The following GTF2E1 variants were observed in gnomAD, a reference collection of about 807,000 sequenced individuals.
GTF2E1 encodes TFIIE alpha subunit.
GTF2E1 carries 14 observed loss-of-function variants against 34.9 expected under a neutral mutation model. The observed-to-expected ratio is 0.40, with a 90% CI of 0.27 to 0.63. The LOEUF (loss-of-function observed/expected upper bound fraction) is 0.63, where lower values mean the gene tolerates loss of function less well. GTF2E1 is among the 20% of genes least tolerant of loss of function. The pLI is 0.39. For synonymous variants in GTF2E1, 188 were observed against 192.9 expected (o/e 0.97, Z 0.21); for missense variants, 469 against 557.7 (o/e 0.84, Z 1.60).
At chr3:120,754,774 GA>G in intron 2 of GTF2E1, among the ~76,000 whole-genome samples, 1 of 151,968 alleles carries the variant, frequency 6.6e-6, no homozygotes, top group African/African-American at 2.4e-5. Flanking sequence ...TAAATTTTGA[GA>G]TGAGATAATT....
chr3:120,757,413 CT>C (rs1406749927), intron 2 of GTF2E1, among the ~76,000 whole-genome samples: 1 of 151,170 alleles, frequency 6.6e-6, no homozygotes, highest in Non-Finnish European at 1.5e-5. Flanking sequence ...ATTAAATCTG[CT>C]TTTTTTTTCT....
At chr3:120,762,885 A>G (rs1313936876) in intron 2 of GTF2E1, among the ~76,000 whole-genome samples, 1 of 152,212 alleles carries the variant, frequency 6.6e-6, no homozygotes, top group African/African-American at 2.4e-5. Flanking sequence ...CATATTTGAC[A>G]TTCTAAAAGT....
chr3:120,767,054 A>G (rs544155215), intron 2 of GTF2E1, among the ~76,000 whole-genome samples: 10 of 152,288 alleles, frequency 6.6e-5, no homozygotes, highest in Non-Finnish European at 1.5e-4. Flanking sequence ...AAGAAATTCT[A>G]CATTTGGCTT....
rs552213426 is a variant in GTF2E1 at position 120,776,308 on chromosome 3, G to T, written c.651-115G>T. On this transcript the variant is annotated intron_variant, in intron 3 of 4. Coordinates refer to ENST00000283875, the MANE Select transcript of GTF2E1 (RefSeq NM_005513.3). ...ATTGTTAAAGCATGTGTGCATGATT[G>T]CTAGGTAGCATTTACATGTAGTATT... The T allele has an allele frequency of 6.7e-6, 6 of 889,450 alleles. No homozygotes were observed. The East Asian group carries it at 1.5e-4, about 22-fold the overall frequency. The allele number at this position is 889,450 out of a possible 1,614,324, so 55.1% of individuals were successfully genotyped here. A position where few individuals can be genotyped will look rare whatever the true frequency, so the allele number is the denominator to read the frequency against.
rs758695578 is a variant in GTF2E1 at position 120,776,557 on chromosome 3, A to T, written c.785A>T (p.Glu262Val). The change falls in exon 4 of 5, where the codon GAA becomes GTA. Residue 262 changes from glutamate to valine, a missense_variant. Glu to Val is a moderately radical substitution (Grantham distance 121). Coordinates refer to ENST00000283875, the MANE Select transcript of GTF2E1 (RefSeq NM_005513.3). ...QNVVINMDDQEDLHRASLEGK... is the reference protein window; with the variant it reads ...QNVVINMDDQVDLHRASLEGK... ...GTTGTCATTAACATGGATGACCAAG[A>T]AGATCTTCATCGAGCCTCACTGGAA... The T allele has an allele frequency of 3.1e-6, 5 of 1,614,048 alleles. No individual in the cohort carries two copies. The highest frequency in any genetic ancestry group is 4.2e-6 in the Non-Finnish European group (5 of 1,179,930).
At chr3:120,753,000 C>T (rs1709178532) in intron 2 of GTF2E1, among the ~76,000 whole-genome samples, 3 of 152,116 alleles carry the variant, frequency 2.0e-5, no homozygotes, top group Admixed American at 2.0e-4. Context: ...ATTCTGAGAA[C>T]ATACTTGCCT....
At chr3:120,750,444 T>C in intron 1 of GTF2E1, 79 bp from the exon 2 acceptor site, 2 of 820,924 alleles carry the variant, frequency 2.4e-6, no homozygotes, top group Non-Finnish European at 4.0e-6. Flanking sequence ...TTTGGGTACT[T>C]TTCTGGCACT....
chr3:120,781,411 G>T lies in GTF2E1; in HGVS notation c.1261G>T (p.Glu421Ter). 6.2e-7 allele frequency: 1 copy of T among 1,614,166 alleles called. No individual in the cohort carries two copies. Among genetic ancestry groups the T allele is most frequent in the Non-Finnish European group, 8.5e-7 (1 of 1,180,000 alleles). ...AGAGCTAGTGGCCCAGATGACACCA[G>T]AAGAAAAGGAAGCATATATAGCAAT... ...RPELVAQMTP[E>*]EKEAYIAMGQ... Residue 421 changes from glutamate to a stop codon, truncating the protein, a stop_gained, in exon 5 of 5, where the codon GAA (glutamate) becomes TAA (stop). Coordinates refer to ENST00000283875, the MANE Select transcript of GTF2E1 (RefSeq NM_005513.3). LOFTEE classifies it high-confidence loss of function.
At position 120,776,657 on chromosome 3, in the gene GTF2E1, G is replaced by A. The variant is rs753977553; in HGVS notation, c.885G>A (p.Met295Ile). 2 of 1,612,798 alleles carry A rather than the reference G, an allele frequency of 1.2e-6. No homozygotes were observed. Among genetic ancestry groups the A allele is most frequent in the African/African-American group, 1.3e-5 (1 of 75,040 alleles). ...AAGGGGCATATGGTTCTGAAGATAT[G>A]AAAGAAGGTAAGAGTAGAAGTCAGT... Reference protein sequence around the residue: ...TVQGAYGSEDMKEGGIDMDAF... With the variant: ...TVQGAYGSEDIKEGGIDMDAF... The change falls in exon 4 of 5, where the codon ATG (methionine) becomes ATA (isoleucine). Residue 295 changes from methionine to isoleucine, a missense_variant. Coordinates refer to ENST00000283875, the MANE Select transcript of GTF2E1 (RefSeq NM_005513.3).
chr3:120,776,823 C>G (rs1334184765), intron 4 of GTF2E1, among the ~76,000 whole-genome samples, 159 bp downstream of exon 4: 1 of 152,186 alleles, frequency 6.6e-6, no homozygotes, highest in African/African-American at 2.4e-5. Flanking sequence ...TAAAAACCAA[C>G]TAGTATACTT....
chr3:120,762,776 G>T (rs1709275429), intron 2 of GTF2E1, among the ~76,000 whole-genome samples: 1 of 152,064 alleles, frequency 6.6e-6, no homozygotes, highest in Non-Finnish European at 1.5e-5. Flanking sequence ...AACCATTCTT[G>T]GCCTTCTTTT....
intron 4 of GTF2E1, among the ~76,000 whole-genome samples, chr3:120,777,788 C>T (rs968069902): frequency 7.2e-5 from 11 of 152,182 alleles, no homozygotes; most frequent in South Asian, 2.1e-4. Flanking sequence ...TACAGTGGTG[C>T]GATCTTGGCT....
At chr3:120,758,037 G>A (rs77431777) in intron 2 of GTF2E1, among the ~76,000 whole-genome samples, 9,549 of 152,166 alleles carry the variant, frequency 0.063, 865 homozygotes, top group African/African-American at 0.2. Context: ...GCGCACACCT[G>A]TAGTTCCAGC....
At chr3:120,764,886 G>A (rs565306962) in intron 2 of GTF2E1, among the ~76,000 whole-genome samples, 1 of 151,974 alleles carries the variant, frequency 6.6e-6, no homozygotes, top group Non-Finnish European at 1.5e-5. Flanking sequence ...TATGTTGGAA[G>A]CAGTTAAGTT....
chr3:120,781,598 A>G lies in GTF2E1; in HGVS notation c.*128A>G. ...AGCAACTGTCCATCCTTGTGCAAAG[A>G]TTGATGGTAGAGAGTTTGACTTTTA... On this transcript the variant is annotated 3_prime_UTR_variant, in exon 5 of 5. Transcript: ENST00000283875. 1.4e-6 allele frequency: 1 copy of G among 733,058 alleles called. No individual in the cohort carries two copies. Among genetic ancestry groups the G allele is most frequent in the Non-Finnish European group, 2.2e-6 (1 of 446,766 alleles). The allele number at this position is 733,058 out of a possible 1,614,324, so 45.4% of individuals were successfully genotyped here. A position where few individuals can be genotyped will look rare whatever the true frequency, so the allele number is the denominator to read the frequency against.
In GTF2E1 at chr3:120,782,215, A is replaced by G. The variant is rs924714545; in HGVS notation, c.*745A>G. Reference sequence around the variant, plus strand: ...CAACAGTCAAATCACTGATTGGGGGAAAAAATCCTGAAATTTTGCTTAGAA... The same window carrying G: ...CAACAGTCAAATCACTGATTGGGGGGAAAAATCCTGAAATTTTGCTTAGAA... On this transcript the variant is annotated 3_prime_UTR_variant, in exon 5 of 5. Coordinates refer to ENST00000283875, the MANE Select transcript of GTF2E1 (RefSeq NM_005513.3). 6.6e-6 allele frequency: 1 copy of G among 152,178 alleles called. No homozygotes were observed. The allele number at this position is 152,178 out of a possible 1,614,324, so 9.4% of individuals were successfully genotyped here.
At chr3:120,743,159 T>C (rs898501018) in intron 1 of GTF2E1, among the ~76,000 whole-genome samples, 3 of 152,236 alleles carry the variant, frequency 2.0e-5, no homozygotes, top group Admixed American at 2.0e-4. Flanking sequence ...GAAAGTGCCA[T>C]GAAATGTGGT....
chr3:120,754,639 T>C (rs1389502827), intron 2 of GTF2E1, among the ~76,000 whole-genome samples: 1 of 152,116 alleles, frequency 6.6e-6, no homozygotes, highest in East Asian at 1.9e-4. Flanking sequence ...AGAGCTTCTC[T>C]AAAAACATAT....
chr3:120,763,753 T>C (rs1180934195), intron 2 of GTF2E1, among the ~76,000 whole-genome samples: 1 of 152,172 alleles, frequency 6.6e-6, no homozygotes, highest in Non-Finnish European at 1.5e-5. Flanking sequence ...CAAAGCTCTC[T>C]TAGGTAGTTT....
Sources: gnomAD v4.1 joint callset for allele counts (sites outside exome capture counted in the v4.1 genomes callset) on GRCh38, gnomAD v4.1.1 for gene constraint, MANE v1.5 for transcripts, NCBI Gene and HGNC (gene_info 2026-07-23, HGNC 2026-07-21) for gene names.